Variants in DSCAM observed in about 807,000 individuals in gnomAD.
DSCAM encodes the protein cell adhesion molecule DSCAM.
DSCAM carries 47 observed loss-of-function variants against 217.7 expected under a neutral mutation model. That is an observed-to-expected ratio of 0.22 (90% CI 0.17 to 0.28). The LOEUF is 0.28. Among genes scored for constraint, DSCAM ranks in the 10% least tolerant of loss-of-function variants. DSCAM has a pLI of 1.00. For missense variants in DSCAM, 2,080 were observed against 2,618.3 expected (o/e 0.79, Z 4.49); for synonymous variants, 1,056 against 1,015.3 (o/e 1.04, Z -0.76).
intron 32 of DSCAM, among the ~76,000 whole-genome samples, chr21:40,030,729 T>G (rs2088505746): frequency 6.6e-6 from 1 of 152,170 alleles, no homozygotes; most frequent in African/African-American, 2.4e-5. Context: ...CTGCTGGAAA[T>G]CCAGGTCTCT....
At position 40,099,952 on chromosome 21, in the gene DSCAM, G is replaced by A. The variant is rs544962364; in HGVS notation, c.3697-6078C>T. On this transcript the variant is annotated intron_variant, in intron 20 of 32. Coordinates refer to ENST00000400454, the MANE Select transcript of DSCAM (RefSeq NM_001389.5). ...AGCCACACCTGAGAAGGCTAATGGC[G>A]AACCACAGTGGCAGAGGTTAGCCCT... is the stretch of plus-strand genomic sequence containing the variant. 1.2e-4 allele frequency among the ~76,000 whole-genome samples: 19 copies of A among 152,308 alleles called. 1 individual carries two copies. The South Asian group carries it at 2.7e-3, about 22-fold the overall frequency.
intron 11 of DSCAM, among the ~76,000 whole-genome samples, chr21:40,212,833 A>G (rs2091198971): frequency 6.6e-6 from 1 of 152,208 alleles, no homozygotes; most frequent in African/African-American, 2.4e-5. Context: ...TGGGTCCTAA[A>G]TCCACTGAAG....
At chr21:40,475,856 T>G (rs1315993972) in intron 3 of DSCAM, among the ~76,000 whole-genome samples, 1 of 144,758 alleles carries the variant, frequency 6.9e-6, no homozygotes, top group Non-Finnish European at 1.5e-5. Context: ...TAAATAAAAT[T>G]TAAAAAAAAA....
At chr21:40,116,702 A>AAG (rs1461830481) in intron 20 of DSCAM, among the ~76,000 whole-genome samples, 2 of 151,940 alleles carry the variant, frequency 1.3e-5, no homozygotes, top group Admixed American at 1.3e-4. Flanking sequence ...TTATTAAAAA[A>AAG]AAAAAAAGAG....
intron 3 of DSCAM, among the ~76,000 whole-genome samples, chr21:40,674,294 G>A (rs1055104760): frequency 2.0e-5 from 3 of 152,140 alleles, no homozygotes; most frequent in Non-Finnish European, 4.4e-5. Flanking sequence ...ATAACCAACA[G>A]AAAAATGCTT....
At chr21:40,521,148 G>A (rs556290243) in intron 3 of DSCAM, among the ~76,000 whole-genome samples, 2 of 152,126 alleles carry the variant, frequency 1.3e-5, no homozygotes, top group African/African-American at 4.8e-5. Context: ...GTAATGCCTG[G>A]AGACATTCTT....
At chr21:40,273,986 C>A (rs1341291759) in intron 11 of DSCAM, among the ~76,000 whole-genome samples, 1 of 152,190 alleles carries the variant, frequency 6.6e-6, no homozygotes, top group Non-Finnish European at 1.5e-5. Context: ...ACATTCAGTT[C>A]ATTCCACACG....
chr21:40,105,644 A>G (rs1178083529), intron 20 of DSCAM, among the ~76,000 whole-genome samples: 1 of 152,206 alleles, frequency 6.6e-6, no homozygotes, highest in East Asian at 1.9e-4. Flanking sequence ...TTCCTTTGTA[A>G]GTCACTCAAT....
At chr21:40,215,940 TAAA>T (rs5844006) in intron 11 of DSCAM, among the ~76,000 whole-genome samples, 4 of 144,120 alleles carry the variant, frequency 2.8e-5, no homozygotes, top group Admixed American at 6.9e-5. Context: ...TCTTCTCCTT[TAAA>T]AAAAAAAAAA....
chr21:40,107,040 C>T (rs1461583160), intron 20 of DSCAM, among the ~76,000 whole-genome samples: 2 of 151,930 alleles, frequency 1.3e-5, no homozygotes, highest in Non-Finnish European at 2.9e-5. Context: ...TCTTGATTCT[C>T]TAGTTCTTCT....
chr21:40,377,207 C>T (rs2074972411), intron 3 of DSCAM, among the ~76,000 whole-genome samples: 1 of 152,120 alleles, frequency 6.6e-6, no homozygotes, highest in Non-Finnish European at 1.5e-5. Context: ...CTGTTATTCC[C>T]ATTTTTCAGA....
At chr21:40,067,742 T>TTCCCTCCCTCCCTCCC (rs763376801) in intron 27 of DSCAM, among the ~76,000 whole-genome samples, 1 of 39,854 alleles carries the variant, frequency 2.5e-5, no homozygotes, top group African/African-American at 1.3e-4. Context: ...CCTCCCCTCA[T>TTCCCTCCCTCCCTCCC]TCCCTCCCTC....
At chr21:40,721,417 A>G (rs566535379) in intron 1 of DSCAM, among the ~76,000 whole-genome samples, 62 of 152,312 alleles carry the variant, frequency 4.1e-4, no homozygotes, top group African/African-American at 1.4e-3. Flanking sequence ...TATGTACAAG[A>G]CAGTAGGAAA....
At chr21:40,672,099 A>T (rs1437217697) in intron 3 of DSCAM, among the ~76,000 whole-genome samples, 2 of 152,188 alleles carry the variant, frequency 1.3e-5, no homozygotes, top group Non-Finnish European at 2.9e-5. Context: ...CCCACTTCTT[A>T]TAAGGACACC....
intron 3 of DSCAM, among the ~76,000 whole-genome samples, chr21:40,598,196 A>C (rs1297019545): frequency 6.6e-6 from 1 of 152,194 alleles, no homozygotes; most frequent in Non-Finnish European, 1.5e-5. Context: ...GGTTGGATCC[A>C]CATACGATGT....
At chr21:40,779,295 C>T (rs1407877323) in intron 1 of DSCAM, among the ~76,000 whole-genome samples, 1 of 152,118 alleles carries the variant, frequency 6.6e-6, no homozygotes, top group Non-Finnish European at 1.5e-5. Flanking sequence ...GCCTGACTGA[C>T]TGATGATAAA....
At chr21:40,147,817 TTGA>T (rs577211823) in intron 16 of DSCAM, among the ~76,000 whole-genome samples, 2 of 152,234 alleles carry the variant, frequency 1.3e-5, no homozygotes, top group Non-Finnish European at 2.9e-5. Flanking sequence ...TTCCATCATA[TTGA>T]TGTTTTATTT....
intron 3 of DSCAM, among the ~76,000 whole-genome samples, chr21:40,503,426 CCT>C (rs2076185663): frequency 6.6e-6 from 1 of 152,234 alleles, no homozygotes; most frequent in African/African-American, 2.4e-5. Flanking sequence ...ACTCTAGCTA[CCT>C]CTGTCCCCAG....
At chr21:40,796,595 T>G (rs1483579769) in intron 1 of DSCAM, among the ~76,000 whole-genome samples, 1 of 152,192 alleles carries the variant, frequency 6.6e-6, no homozygotes, top group African/African-American at 2.4e-5. Flanking sequence ...GTAGGCAGGT[T>G]CTGCTGTCTC....
Sources: allele counts gnomAD v4.1 joint callset (sites outside exome capture counted in the v4.1 genomes callset), GRCh38; gene constraint gnomAD v4.1.1; transcripts MANE v1.5; gene names NCBI Gene and HGNC (gene_info 2026-07-23, HGNC 2026-07-21).